ATP11A: variants seen among roughly 807,000 people sequenced by gnomAD.
ATP11A encodes phospholipid-transporting ATPase IH.
In ATP11A, 81 loss-of-function variants were observed where a neutral mutation model predicts 154.4. The observed-to-expected ratio is 0.52, with a 90% CI of 0.44 to 0.63. The LOEUF (loss-of-function observed/expected upper bound fraction) is 0.63, where lower values mean the gene tolerates loss of function less well. Ranked by LOEUF, ATP11A falls within the 30% of genes least tolerant of loss-of-function variation. The probability of loss-of-function intolerance (pLI) is 0.00; values close to 1 mark genes in which losing one functional copy is unlikely to be tolerated. For missense variants in ATP11A, 1,316 were observed against 1,474.3 expected (o/e 0.89, Z 1.76); for synonymous variants, 623 against 585.9 (o/e 1.06, Z -0.91).
chr13:112,860,261 C>G, intron 23 of ATP11A, 26 bp from the exon 24 acceptor site: 1 of 1,603,010 alleles, frequency 6.2e-7, no homozygotes, highest in Non-Finnish European at 8.5e-7. Context: ...ACTGAGGTGC[C>G]ACTTCTTGTG....
At chr13:112,749,321 G>A (rs762420143) in intron 1 of ATP11A, among the ~76,000 whole-genome samples, 33 of 152,306 alleles carry the variant, frequency 2.2e-4, no homozygotes, top group Non-Finnish European at 3.7e-4. Flanking sequence ...CTTCTGCCAC[G>A]CTTAAAAGAA....
chr13:112,791,039 T>C (rs2077839135), intron 2 of ATP11A, among the ~76,000 whole-genome samples: 1 of 152,222 alleles, frequency 6.6e-6, no homozygotes, highest in South Asian at 2.1e-4. Context: ...GTCTCTGCAG[T>C]GGTAATACTT....
At chr13:112,756,854 G>T (rs2076850411) in intron 1 of ATP11A, among the ~76,000 whole-genome samples, 1 of 150,386 alleles carries the variant, frequency 6.6e-6, no homozygotes, top group South Asian at 2.1e-4. Flanking sequence ...CCAGCGCGGG[G>T]TCTGCTCCCA....
intron 8 of ATP11A, among the ~76,000 whole-genome samples, chr13:112,820,393 G>A (rs2078767365): frequency 6.6e-6 from 1 of 152,196 alleles, no homozygotes; most frequent in Non-Finnish European, 1.5e-5. Context: ...TGCATTACTG[G>A]CTCAAGGCCT....
chr13:112,787,319 C>T, intron 2 of ATP11A, among the ~76,000 whole-genome samples: 1 of 128,686 alleles, frequency 7.8e-6, no homozygotes, highest in South Asian at 2.4e-4. Flanking sequence ...GATGTGTAGA[C>T]CCCTGTGGAG....
chr13:112,811,053 CT>C (rs112079556), intron 5 of ATP11A, among the ~76,000 whole-genome samples: 2,903 of 139,358 alleles, frequency 0.021, 40 homozygotes, highest in African/African-American at 0.048. Context: ...CTCCCTACTT[CT>C]TTTTTTTTTT....
intron 1 of ATP11A, among the ~76,000 whole-genome samples, chr13:112,765,789 A>T (rs1537046): frequency 0.083 from 12,578 of 152,294 alleles, 1,689 homozygotes; most frequent in African/African-American, 0.28. Context: ...GATCTGAAAG[A>T]TGCTCACGAA....
intron 1 of ATP11A, among the ~76,000 whole-genome samples, chr13:112,736,149 G>A (rs1163134286): frequency 2.0e-5 from 3 of 152,208 alleles, no homozygotes; most frequent in Admixed American, 6.5e-5. Flanking sequence ...CATGGACAGA[G>A]GGTGAGAACT....
At chr13:112,814,548 G>T (rs1022526617) in intron 5 of ATP11A, among the ~76,000 whole-genome samples, 1 of 152,196 alleles carries the variant, frequency 6.6e-6, no homozygotes, top group Admixed American at 6.5e-5. Context: ...TTTCAGTCAG[G>T]TTTGTTTCTG....
intron 1 of ATP11A, chr13:112,717,287 A>C (rs1342114742): frequency 1.3e-5 from 2 of 152,166 alleles, no homozygotes; most frequent in African/African-American, 4.8e-5. Flanking sequence ...TTTTCTCCTA[A>C]TCACATCCAA....
intron 25 of ATP11A, among the ~76,000 whole-genome samples, chr13:112,870,194 A>G (rs199673294): frequency 1.3e-5 from 2 of 152,212 alleles, no homozygotes; most frequent in East Asian, 1.9e-4. Flanking sequence ...GGGGGCCCCT[A>G]AGAAGCGGTG....
intron 29 of ATP11A, 119 bp downstream of exon 29, chr13:112,878,422 C>A: frequency 1.9e-6 from 2 of 1,054,978 alleles, no homozygotes; most frequent in African/African-American, 1.6e-5. Flanking sequence ...GCGCTGGGTA[C>A]AGCAGCCTCA....
intron 29 of ATP11A, among the ~76,000 whole-genome samples, chr13:112,878,799 G>A (rs9549597): frequency 0.37 from 56,854 of 152,132 alleles, 11,033 homozygotes; most frequent in Admixed American, 0.44. Flanking sequence ...AGGATAACAC[G>A]GTTTGCTCAG....
intron 1 of ATP11A, among the ~76,000 whole-genome samples, chr13:112,719,458 T>C (rs1467237863): frequency 6.6e-6 from 1 of 152,264 alleles, no homozygotes; most frequent in Non-Finnish European, 1.5e-5. Context: ...AAATAATGTA[T>C]CCTTGATTCC....
At chr13:112,712,809 T>A (rs1049351206) in intron 1 of ATP11A, among the ~76,000 whole-genome samples, 1 of 152,230 alleles carries the variant, frequency 6.6e-6, no homozygotes, top group South Asian at 2.1e-4. Context: ...TGTCATCCCC[T>A]GTCTTTTGGG....
chr13:112,880,532 T>C, intron 29 of ATP11A: 8 of 1,296,734 alleles, frequency 6.2e-6, no homozygotes, highest in Non-Finnish European at 7.1e-6. Context: ...TCAGTATCTT[T>C]CCTCGCCTTG....
chr13:112,840,454 TCC>T (rs568226725), intron 16 of ATP11A, among the ~76,000 whole-genome samples: 4 of 8,274 alleles, frequency 4.8e-4, no homozygotes, highest in Admixed American at 3.5e-3. Flanking sequence ...CATTCTCTCA[TCC>T]CCCCCCAGCC....
intron 9 of ATP11A, 44 bp from the exon 10 acceptor site, chr13:112,824,300 C>T (rs927223196): frequency 6.7e-7 from 1 of 1,484,942 alleles, no homozygotes; most frequent in African/African-American, 1.4e-5. Flanking sequence ...TAAGGCAAGA[C>T]ACACTTGCGC....
intron 1 of ATP11A, among the ~76,000 whole-genome samples, chr13:112,692,753 A>G (rs746190619): frequency 4.6e-5 from 7 of 152,160 alleles, no homozygotes; most frequent in Non-Finnish European, 1.0e-4. Context: ...ATTCATCTCT[A>G]TCATTTTAAG....
Sources: allele counts gnomAD v4.1 joint callset (sites outside exome capture counted in the v4.1 genomes callset), GRCh38; gene constraint gnomAD v4.1.1; transcripts MANE v1.5; gene names NCBI Gene and HGNC (gene_info 2026-07-23, HGNC 2026-07-21).